The following CST4 variants were observed in gnomAD, a reference collection of about 807,000 sequenced individuals.
CST4 encodes cystatin-S.
In CST4, 17 loss-of-function variants were observed where a neutral mutation model predicts 11.2. The ratio of observed to expected loss-of-function variants is 1.52; its 90% CI spans 1.04 to 2.27. The LOEUF (loss-of-function observed/expected upper bound fraction) is 2.27, where lower values mean the gene tolerates loss of function less well. Ranked by LOEUF, CST4 falls within the 30% of genes most tolerant of loss-of-function variation. The pLI is 0.00. For missense variants in CST4, 251 were observed against 180.2 expected (o/e 1.39, Z -2.25); for synonymous variants, 93 against 70.1 (o/e 1.33, Z -1.63).
chr20:23,688,738 C>A lies in CST4; in HGVS notation c.228+4G>T, dbSNP rs377463757. 6.2e-7 allele frequency: 1 copy of A among 1,613,784 alleles called. No homozygotes were observed. Among genetic ancestry groups the A allele is most frequent in the African/African-American group, 1.3e-5 (1 of 74,908 alleles). ...AGGACCCCTCGGGTGGAGGCAGCACCCACCTGCTCCCTGGCTCGCAGCACC... is the reference window on the plus strand; with the variant it reads ...AGGACCCCTCGGGTGGAGGCAGCACACACCTGCTCCCTGGCTCGCAGCACC... On this transcript the variant is annotated splice_donor_region_variant and intron_variant, in intron 1 of 2. Coordinates refer to ENST00000217423, the MANE Select transcript of CST4 (RefSeq NM_001899.3).
At chr20:23,686,116 AG>A in intron 2 of CST4, 139 bp from the exon 3 acceptor site, 1 of 874,962 alleles carries the variant, frequency 1.1e-6, no homozygotes, top group Non-Finnish European at 1.8e-6. Flanking sequence ...TGAGTCCCAG[AG>A]CACTGAACTA....
intron 2 of CST4, among the ~76,000 whole-genome samples, chr20:23,686,514 A>T (rs1256636055): frequency 6.6e-6 from 1 of 152,114 alleles, no homozygotes; most frequent in Non-Finnish European, 1.5e-5. Context: ...TTCCCAGCTA[A>T]CAGGCCTCTA....
rs751828762 is a variant in CST4 at position 23,688,895 on chromosome 20, C to T, written c.75G>A (p.Glu25=). Reference sequence around the variant, plus strand: ...TGCCACCTGGGATTATCCTATTCTCCTCCTTGGAGCTCGAGGCCAGAGCCC... The same window carrying T: ...TGCCACCTGGGATTATCCTATTCTCTTCCTTGGAGCTCGAGGCCAGAGCCC... The part of the protein sequence containing the change: ...LAGALASSSK[E]ENRIIPGGIY... Residue 25 remains glutamate (E), a synonymous_variant, in exon 1 of 3, where the codon GAG becomes GAA. Coordinates refer to ENST00000217423, the MANE Select transcript of CST4 (RefSeq NM_001899.3). The T allele has an allele frequency of 1.9e-5, 30 of 1,614,052 alleles. 1 individual carries two copies. The highest frequency in any genetic ancestry group is 2.5e-5 in the Non-Finnish European group (30 of 1,180,034).
chr20:23,688,921 C>T lies in CST4; in HGVS notation c.49G>A (p.Gly17Arg), dbSNP rs773071892. The T allele has an allele frequency of 1.6e-5, 26 of 1,614,072 alleles. No individual in the cohort carries two copies. The highest frequency in any genetic ancestry group is 2.1e-5 in the Non-Finnish European group (25 of 1,180,034). ...TCCTTGGAGCTCGAGGCCAGAGCCC[C>T]AGCCAGGGTAGCCATCAGGAGTAGC... ...TLLLLMATLAGALASSSKEEN... is the reference protein window; with the variant it reads ...TLLLLMATLARALASSSKEEN... Residue 17 changes from glycine to arginine, a missense_variant, in exon 1 of 3, where the codon GGG becomes AGG. By Grantham distance (125) the Gly-to-Arg change is moderately radical. Coordinates refer to ENST00000217423, the MANE Select transcript of CST4 (RefSeq NM_001899.3).
chr20:23,688,727 G>A lies in CST4; in HGVS notation c.228+15C>T, dbSNP rs1394721446. 10 of 1,612,994 alleles carry A rather than the reference G, an allele frequency of 6.2e-6. No homozygotes were observed. Among genetic ancestry groups the A allele is most frequent in the South Asian group, 1.1e-5 (1 of 91,054 alleles). On this transcript the variant is annotated intron_variant, in intron 1 of 2. Transcript: ENST00000217423. ...GGCTAGGGCTCAGGACCCCTCGGGT[G>A]GAGGCAGCACCCACCTGCTCCCTGG...
chr20:23,688,830 G>A lies in CST4; in HGVS notation c.140C>T (p.Ala47Val). The A allele has an allele frequency of 6.2e-7, 1 of 1,614,148 alleles. No homozygotes were observed. The highest frequency in any genetic ancestry group is 8.5e-7 in the Non-Finnish European group (1 of 1,180,022). The change falls in exon 1 of 3, where the codon GCC becomes GTC. Residue 47 changes from alanine to valine, a missense_variant. Transcript: ENST00000217423. The stretch of plus-strand genomic sequence containing the variant: ...GTACTCGCTGATGGCGAAGTGAAGG[G>A]CACGCTGTACCCACTCATCATTGAG... ...ADLNDEWVQR[A>V]LHFAISEYNK...
intron 1 of CST4, among the ~76,000 whole-genome samples, chr20:23,688,310 G>A (rs1270378969): frequency 3.9e-5 from 6 of 152,236 alleles, no homozygotes; most frequent in Non-Finnish European, 8.8e-5. Flanking sequence ...GTGCCCAAGG[G>A]CATGACTTGG....
intron 1 of CST4, 62 bp downstream of exon 1, chr20:23,688,680 T>C (rs1243650226): frequency 5.4e-6 from 8 of 1,492,348 alleles, no homozygotes; most frequent in Non-Finnish European, 7.5e-6. Flanking sequence ...TGGAATGCTC[T>C]TGGGGGTCCG....
chr20:23,687,401 C>T (rs1224868678), intron 1 of CST4, among the ~76,000 whole-genome samples, 200 bp from the exon 2 acceptor site: 4 of 152,192 alleles, frequency 2.6e-5, no homozygotes, highest in Non-Finnish European at 5.9e-5. Flanking sequence ...ACATCGTTTT[C>T]TCTGTGCTGG....
chr20:23,687,182 T>G lies in CST4; in HGVS notation c.248A>C (p.Tyr83Ser), dbSNP rs1981075760. ...AREQTFGGVN[Y>S]FFDVEVGRTI... is the part of the protein sequence containing the mutation. ...GCGGCCCACCTCTACGTCGAAGAAG[T>G]AATTCACCCCCCCAAAGGTCTGCAC... is the stretch of plus-strand genomic sequence containing the variant. The change falls in exon 2 of 3, where the codon TAC becomes TCC. Residue 83 changes from tyrosine (Y) to serine (S), a missense_variant. Physicochemically the swap from Tyr to Ser is moderately radical, Grantham distance 144. Coordinates refer to ENST00000217423, the MANE Select transcript of CST4 (RefSeq NM_001899.3). 1 of 1,613,756 alleles carries G rather than the reference T, an allele frequency of 6.2e-7. No individual in the cohort carries two copies. The highest frequency in any genetic ancestry group is 8.5e-7 in the Non-Finnish European group (1 of 1,179,990).
At chr20:23,688,136 T>C (rs1248073081) in intron 1 of CST4, among the ~76,000 whole-genome samples, 4 of 152,212 alleles carry the variant, frequency 2.6e-5, no homozygotes, top group African/African-American at 2.4e-5. Flanking sequence ...ACCCCTCCTC[T>C]GCTCTGCTGG....
At chr20:23,688,445 G>A (rs1179369764) in intron 1 of CST4, among the ~76,000 whole-genome samples, 1 of 152,190 alleles carries the variant, frequency 6.6e-6, no homozygotes, top group East Asian at 1.9e-4. Flanking sequence ...AGCCCACCCA[G>A]AGTCAGCACA....
At chr20:23,687,604 A>T (rs190098115) in intron 1 of CST4, among the ~76,000 whole-genome samples, 2 of 152,346 alleles carry the variant, frequency 1.3e-5, no homozygotes, top group East Asian at 3.9e-4. Flanking sequence ...TTTTGGGTCA[A>T]TGGGGCCGCC....
chr20:23,686,134 G>A (rs2405664), intron 2 of CST4, among the ~76,000 whole-genome samples, 157 bp from the exon 3 acceptor site: 3 of 152,280 alleles, frequency 2.0e-5, no homozygotes, highest in South Asian at 2.1e-4. Flanking sequence ...ACTAGAATGA[G>A]TAGTGACTGT....
Position 23,688,919 on chromosome 20 carries a change from C to A in CST4, c.51G>T (p.Gly17=). ...CCTCCTTGGAGCTCGAGGCCAGAGCCCCAGCCAGGGTAGCCATCAGGAGTA... is the reference window on the plus strand; with the variant it reads ...CCTCCTTGGAGCTCGAGGCCAGAGCACCAGCCAGGGTAGCCATCAGGAGTA... ...TLLLLMATLA[G]ALASSSKEEN... The change falls in exon 1 of 3, where the codon GGG becomes GGT. Residue 17 remains glycine, a synonymous_variant. Transcript: ENST00000217423. 6.2e-7 allele frequency: 1 copy of A among 1,614,166 alleles called. No individual in the cohort carries two copies. Among genetic ancestry groups the A allele is most frequent in the Non-Finnish European group, 8.5e-7 (1 of 1,180,028 alleles).
Position 23,685,712 on chromosome 20 carries a change from G to T in CST4, c.*182C>A. On this transcript the variant is annotated 3_prime_UTR_variant, in exon 3 of 3. Transcript: ENST00000217423. ...TACCAGGTCTATTAGAAGCAAGAAG[G>T]AAGGAGGGAGGGCAGAGCGCCCTGC... The T allele has an allele frequency of 1.6e-6, 1 of 618,616 alleles. No individual in the cohort carries two copies. Among genetic ancestry groups the T allele is most frequent in the Admixed American group, 2.9e-5 (1 of 34,920 alleles). 38.3% of individuals were successfully genotyped at this position (618,616 alleles called of 1,614,324 possible).
At chr20:23,686,036 C>T (rs947344280) in intron 2 of CST4, 59 bp from the exon 3 acceptor site, 2 of 1,565,746 alleles carry the variant, frequency 1.3e-6, no homozygotes, top group African/African-American at 2.7e-5. Context: ...GGGAAGATGC[C>T]CAGGCATGAG....
Position 23,688,878 on chromosome 20 carries a change from G to A in CST4, c.92C>T (p.Pro31Leu), listed in dbSNP as rs773159719. 1.2e-6 allele frequency: 2 copies of A among 1,614,172 alleles called. No homozygotes were observed. The highest frequency in any genetic ancestry group is 1.7e-6 in the Non-Finnish European group (2 of 1,180,018). Reference sequence around the variant, plus strand: ...GAGGTCTGCATCATAGATGCCACCTGGGATTATCCTATTCTCCTCCTTGGA... The same window carrying A: ...GAGGTCTGCATCATAGATGCCACCTAGGATTATCCTATTCTCCTCCTTGGA... ...SSSKEENRII[P>L]GGIYDADLND... Residue 31 changes from proline to leucine, a missense_variant, in exon 1 of 3, where the codon CCA becomes CTA. Coordinates refer to ENST00000217423, the MANE Select transcript of CST4 (RefSeq NM_001899.3).
At chr20:23,686,484 G>A (rs1300118297) in intron 2 of CST4, among the ~76,000 whole-genome samples, 1 of 152,168 alleles carries the variant, frequency 6.6e-6, no homozygotes, top group Non-Finnish European at 1.5e-5. Context: ...GGTGTTGGGT[G>A]AGCCGGGCAG....
Sources: allele counts gnomAD v4.1 joint callset (sites outside exome capture counted in the v4.1 genomes callset), GRCh38; gene constraint gnomAD v4.1.1; transcripts MANE v1.5; gene names NCBI Gene and HGNC (gene_info 2026-07-23, HGNC 2026-07-21).